The following MXI1 variants were observed in gnomAD, a reference collection of about 807,000 sequenced individuals.
MXI1 encodes max-interacting protein 1.
MXI1 carries 18 observed loss-of-function variants against 36.9 expected under a neutral mutation model. The observed-to-expected ratio is 0.49, with a 90% CI of 0.34 to 0.72. MXI1 has a LOEUF of 0.72. MXI1 is among the 30% of genes least tolerant of loss of function. The probability of loss-of-function intolerance (pLI) is 0.01; values close to 1 mark genes in which losing one functional copy is unlikely to be tolerated. For missense variants in MXI1, 304 were observed against 379.1 expected (o/e 0.80, Z 1.64); for synonymous variants, 160 against 146.7 (o/e 1.09, Z -0.65).
At chr10:110,265,944 G>T (rs1381469036) in intron 3 of MXI1, among the ~76,000 whole-genome samples, 3 of 152,130 alleles carry the variant, frequency 2.0e-5, no homozygotes, top group African/African-American at 7.2e-5. Context: ...CATTATAGTT[G>T]TCACTTACTC....
In MXI1 at chr10:110,282,085, T is replaced by A. The variant is rs78024688; in HGVS notation, c.724+2000T>A. Among the ~76,000 whole-genome samples, 44 of 152,354 alleles carry A rather than the reference T, an allele frequency of 2.9e-4. No individual in the cohort carries two copies. In the East Asian group the frequency reaches 8.5e-3, roughly 29 times the overall value. On this transcript the variant is annotated intron_variant, in intron 5 of 5. Transcript: ENST00000332674. ...TAAAGTTCATACAGGGAAGGTGGGA[T>A]AAATGCTTGGTCTTGGTTTTTGCTT...
At chr10:110,279,689 A>G (rs1857165764) in intron 4 of MXI1, among the ~76,000 whole-genome samples, 1 of 152,254 alleles carries the variant, frequency 6.6e-6, no homozygotes. Flanking sequence ...TTCAAGTAAC[A>G]TAGCATTCAT....
At chr10:110,243,146 G>C (rs528050181) in intron 2 of MXI1, among the ~76,000 whole-genome samples, 11 of 151,642 alleles carry the variant, frequency 7.3e-5, no homozygotes, top group Non-Finnish European at 1.5e-4. Context: ...CACTTTTATG[G>C]TGATAAAGGC....
chr10:110,267,730 A>G (rs1013028944), intron 3 of MXI1, among the ~76,000 whole-genome samples: 8 of 152,290 alleles, frequency 5.3e-5, no homozygotes, highest in African/African-American at 1.2e-4. Context: ...TAAAGAAGCA[A>G]TTTGGTGATG....
chr10:110,260,962 G>A (rs1251618576), intron 3 of MXI1: 7 of 982,182 alleles, frequency 7.1e-6, no homozygotes, highest in African/African-American at 1.8e-5. Flanking sequence ...ATCTGGTTTT[G>A]TGGTTGTAAC....
At chr10:110,221,118 C>A (rs1854794573) in intron 1 of MXI1, among the ~76,000 whole-genome samples, 1 of 152,140 alleles carries the variant, frequency 6.6e-6, no homozygotes, top group African/African-American at 2.4e-5. Flanking sequence ...GGCAACCTTT[C>A]CTTGGGGAAG....
At chr10:110,232,357 G>T (rs978251760) in intron 2 of MXI1, among the ~76,000 whole-genome samples, 2 of 152,070 alleles carry the variant, frequency 1.3e-5, no homozygotes, top group African/African-American at 4.8e-5. Context: ...TCCCTGCAGG[G>T]AATCATTTTC....
At chr10:110,249,638 A>G (rs574546125) in intron 3 of MXI1, among the ~76,000 whole-genome samples, 1 of 152,132 alleles carries the variant, frequency 6.6e-6, no homozygotes, top group South Asian at 2.1e-4. Context: ...GAAACTCACT[A>G]GTGGTCTATG....
At position 110,232,177 on chromosome 10, in the gene MXI1, G is replaced by T. The variant is rs1590348553; in HGVS notation, c.407+3856G>T. ...GGGTTTCACTGTGTTAGCCAGGATG[G>T]TCTCAATCTCCTGACCTCATGAACC... On this transcript the variant is annotated intron_variant, in intron 2 of 5. Transcript: ENST00000332674. Among the ~76,000 whole-genome samples the T allele has an allele frequency of 2.6e-5, 4 of 152,232 alleles. No individual in the cohort carries two copies. In the South Asian group the frequency reaches 8.3e-4, roughly 32 times the overall value.
intron 5 of MXI1, among the ~76,000 whole-genome samples, chr10:110,282,259 A>T (rs1017772817): frequency 7.3e-5 from 11 of 151,356 alleles, no homozygotes; most frequent in African/African-American, 2.4e-4. Flanking sequence ...AATTCTTTTG[A>T]ATGCTCAAAC....
chr10:110,250,171 A>G (rs1856025107), intron 3 of MXI1, among the ~76,000 whole-genome samples: 1 of 152,046 alleles, frequency 6.6e-6, no homozygotes, highest in Non-Finnish European at 1.5e-5. Flanking sequence ...AGGTCTTGGG[A>G]GCTGATATCT....
chr10:110,235,965 C>T (rs1045696116), intron 2 of MXI1, among the ~76,000 whole-genome samples: 3 of 151,938 alleles, frequency 2.0e-5, no homozygotes, highest in African/African-American at 7.2e-5. Flanking sequence ...TGAGATCATG[C>T]TACTGCACTC....
At chr10:110,212,900 A>G (rs1419873792) in intron 1 of MXI1, among the ~76,000 whole-genome samples, 1 of 152,202 alleles carries the variant, frequency 6.6e-6, no homozygotes, top group Non-Finnish European at 1.5e-5. Context: ...TTTATTAGTA[A>G]CTTAAGAGAA....
At chr10:110,209,966 G>A (rs1267811364) in intron 1 of MXI1, among the ~76,000 whole-genome samples, 2 of 148,358 alleles carry the variant, frequency 1.3e-5, no homozygotes, top group African/African-American at 5.0e-5. Context: ...TGGAGGAGGC[G>A]GTCGGAGATT....
rs1857433611 is a variant in MXI1 at position 110,286,724 on chromosome 10, TCATA to T, written c.*1741_*1744del. The T allele has an allele frequency of 1.3e-5, 2 of 152,562 alleles. No individual in the cohort carries two copies. Among genetic ancestry groups the T allele is most frequent in the Admixed American group, 1.3e-4 (2 of 15,310 alleles). 9.5% of individuals were successfully genotyped at this position (152,562 alleles called of 1,614,324 possible). On this transcript the variant is annotated 3_prime_UTR_variant, in exon 6 of 6. Coordinates refer to ENST00000332674, the MANE Select transcript of MXI1 (RefSeq NM_130439.3). ...TTCTATATATAGTGTACCATCTTGGTCATACATTACGCCTCAACATATACTTGTG... is the reference window on the plus strand; with the variant it reads ...TTCTATATATAGTGTACCATCTTGGTCATTACGCCTCAACATATACTTGTG...
intron 1 of MXI1, chr10:110,226,090 A>G (rs1783681101): frequency 1.8e-6 from 2 of 1,110,242 alleles, no homozygotes; most frequent in Admixed American, 1.0e-4. Flanking sequence ...GCCGCGGCCG[A>G]GCTGGCCCGC....
At chr10:110,274,996 G>A (rs773300115) in intron 3 of MXI1, among the ~76,000 whole-genome samples, 20 of 149,326 alleles carry the variant, frequency 1.3e-4, no homozygotes, top group Non-Finnish European at 2.5e-4. Context: ...TGCCTCAGCC[G>A]ACAGAGTAGC....
chr10:110,279,032 C>G, intron 3 of MXI1, 148 bp from the exon 4 acceptor site: 1 of 606,838 alleles, frequency 1.6e-6, no homozygotes, highest in Non-Finnish European at 2.9e-6. Context: ...GCGGCCACCC[C>G]TACATTCTTT....
chr10:110,258,177 T>G (rs1024790832), intron 3 of MXI1, among the ~76,000 whole-genome samples: 1 of 152,238 alleles, frequency 6.6e-6, no homozygotes, highest in Non-Finnish European at 1.5e-5. Flanking sequence ...AAGTAGCTAC[T>G]GATCCAGTTT....
Sources: allele counts gnomAD v4.1 joint callset (sites outside exome capture counted in the v4.1 genomes callset), GRCh38; gene constraint gnomAD v4.1.1; transcripts MANE v1.5; gene names NCBI Gene and HGNC (gene_info 2026-07-23, HGNC 2026-07-21).